USP36: variants seen among roughly 807,000 people sequenced by gnomAD.
The protein encoded by USP36 is ubiquitin carboxyl-terminal hydrolase 36.
In USP36, 59 loss-of-function variants were observed where a neutral mutation model predicts 111.5. That is an observed-to-expected ratio of 0.53 (90% CI 0.43 to 0.66). USP36 has a LOEUF of 0.66. USP36 is among the 30% of genes least tolerant of loss of function. The probability of loss-of-function intolerance (pLI) is 0.00; values close to 1 mark genes in which losing one functional copy is unlikely to be tolerated. For synonymous variants in USP36, 628 were observed against 581.0 expected (o/e 1.08, Z -1.16); for missense variants, 1,488 against 1,468.0 (o/e 1.01, Z -0.22).
chr17:78,841,051 C>T (rs11652626), upstream of USP36: 1 of 152,278 alleles, frequency 6.6e-6, no homozygotes, highest in African/African-American at 2.4e-5. Context: ...GCTCCCGCCC[C>T]TGTGCCGCGG....
intron 2 of USP36, among the ~76,000 whole-genome samples, chr17:78,836,663 C>T (rs774736919): frequency 6.6e-6 from 1 of 152,176 alleles, no homozygotes; most frequent in African/African-American, 2.4e-5. Context: ...TGCATCTCTT[C>T]ATCAGATACT....
downstream of USP36, among the ~76,000 whole-genome samples, chr17:78,794,998 ACT>A (rs1453248251): frequency 2.1e-5 from 3 of 142,976 alleles, no homozygotes; most frequent in Admixed American, 2.2e-4. Context: ...ACAGAGGGAG[ACT>A]CTGTTCGGGA....
At position 78,809,565 on chromosome 17, in the gene USP36, T is replaced by C. The variant is rs529688177; in HGVS notation, c.1408-1929A>G. The stretch of plus-strand genomic sequence containing the variant: ...GTGTGCCTGACACAGGGACTCTCCT[T>C]GAGCCAATCTCCACCCTCGGGCATC... On this transcript the variant is annotated intron_variant, in intron 13 of 20. Transcript: ENST00000449938. Among the ~76,000 whole-genome samples the C allele has an allele frequency of 4.6e-5, 7 of 152,258 alleles. No individual in the cohort carries two copies. The East Asian group carries it at 1.2e-3, about 25-fold the overall frequency.
chr17:78,816,784 T>G (rs1421289530), intron 10 of USP36, among the ~76,000 whole-genome samples: 1 of 152,144 alleles, frequency 6.6e-6, no homozygotes, highest in East Asian at 1.9e-4. Flanking sequence ...GCCTAAATCA[T>G]TTTTTTAAAC....
Position 78,813,749 on chromosome 17 carries a change from C to A in USP36, c.1265+24G>T, listed in dbSNP as rs374966269. On this transcript the variant is annotated intron_variant, in intron 12 of 20. Coordinates refer to ENST00000449938, the MANE Select transcript of USP36 (RefSeq NM_001385174.1). ...AAAAGAGCAGAGGGAGTGAGCTCAT[C>A]TGGGGAGGGCGTGAGTTTATTACCG... 25 of 1,608,712 alleles carry A rather than the reference C, an allele frequency of 1.6e-5. 1 individual carries two copies. The highest frequency in any genetic ancestry group is 6.7e-5 in the East Asian group (3 of 44,822).
chr17:78,832,034 A>G lies in USP36; in HGVS notation c.476-3027T>C, dbSNP rs570087931. 2.6e-5 allele frequency among the ~76,000 whole-genome samples: 4 copies of G among 152,266 alleles called. No individual in the cohort carries two copies. The South Asian group carries it at 8.3e-4, about 32-fold the overall frequency. ...AATCTAAGCCAGGTTCTCCAGCAAT[A>G]TATGAGATTAATTTAAGTGGCACAT... On this transcript the variant is annotated intron_variant, in intron 4 of 20. Coordinates refer to ENST00000449938, the MANE Select transcript of USP36 (RefSeq NM_001385174.1).
chr17:78,821,235 G>A (rs1472058217), intron 7 of USP36, 174 bp from the exon 8 acceptor site: 1 of 599,582 alleles, frequency 1.7e-6, no homozygotes, highest in South Asian at 2.0e-5. Flanking sequence ...TTTCACCACT[G>A]AAGTTCACAA....
At chr17:78,824,190 G>A (rs1207113080) in intron 6 of USP36, among the ~76,000 whole-genome samples, 1 of 152,218 alleles carries the variant, frequency 6.6e-6, no homozygotes, top group African/African-American at 2.4e-5. Context: ...TGGGCAATGA[G>A]CAATGGGAAG....
chr17:78,802,140 G>T (rs1223192174), intron 17 of USP36, among the ~76,000 whole-genome samples, 184 bp downstream of exon 17: 1 of 21,332 alleles, frequency 4.7e-5, no homozygotes, highest in Admixed American at 6.7e-4. Flanking sequence ...CCAACCCCTC[G>T]CCTGGTGCAC....
At chr17:78,839,961 T>C (rs1457528542) in intron 1 of USP36, among the ~76,000 whole-genome samples, 1 of 152,192 alleles carries the variant, frequency 6.6e-6, no homozygotes, top group Non-Finnish European at 1.5e-5. Flanking sequence ...AAAGTCACTT[T>C]TCCAGGATGA....
chr17:78,815,000 C>T (rs1335139874), intron 10 of USP36, among the ~76,000 whole-genome samples: 1 of 151,918 alleles, frequency 6.6e-6, no homozygotes, highest in African/African-American at 2.4e-5. Context: ...AATGGGTGTG[C>T]AGCAACGCTG....
At chr17:78,831,394 C>T (rs552510511) in intron 4 of USP36, among the ~76,000 whole-genome samples, 86 of 151,906 alleles carry the variant, frequency 5.7e-4, no homozygotes, top group African/African-American at 2.0e-3. Flanking sequence ...GGGTGGAACA[C>T]GTGAGGTCAA....
chr17:78,820,679 C>G (rs900278567), intron 8 of USP36, among the ~76,000 whole-genome samples: 7 of 152,316 alleles, frequency 4.6e-5, no homozygotes, highest in African/African-American at 1.7e-4. Flanking sequence ...AGCCACCAAG[C>G]TCCAAAGGCT....
At chr17:78,808,288 GCTGGAGTGCAGTGGCATGA>G (rs2093964765) in intron 13 of USP36, among the ~76,000 whole-genome samples, 1 of 152,150 alleles carries the variant, frequency 6.6e-6, no homozygotes, top group Non-Finnish European at 1.5e-5. Context: ...TGTTGCCCAG[GCTGGAGTGCAGTGGCATGA>G]TGATGTCATC....
intron 18 of USP36, among the ~76,000 whole-genome samples, chr17:78,799,226 C>T (rs186965868): frequency 6.6e-6 from 1 of 152,378 alleles, no homozygotes; most frequent in East Asian, 1.9e-4. Context: ...GCGATGCCCT[C>T]TTAGCTAAAC....
chr17:78,791,675 G>C (rs1004421254), downstream of USP36, among the ~76,000 whole-genome samples: 2 of 152,184 alleles, frequency 1.3e-5, no homozygotes, highest in Non-Finnish European at 2.9e-5. Flanking sequence ...AGGCCTCTAG[G>C]GGGCTGTGGA....
At position 78,829,022 on chromosome 17, in the gene USP36, G is replaced by A. The variant is rs767681276; in HGVS notation, c.476-15C>T. On this transcript the variant is annotated splice_polypyrimidine_tract_variant and intron_variant, in intron 4 of 20. Transcript: ENST00000449938. The stretch of plus-strand genomic sequence containing the variant: ...TCCCTGGTGGCCTGCCGGCGTGGAA[G>A]GAGGAGCAATTTTAAGACAAGAGCT... 1 of 1,609,316 alleles carries A rather than the reference G, an allele frequency of 6.2e-7. No individual in the cohort carries two copies. The highest frequency in any genetic ancestry group is 1.1e-5 in the South Asian group (1 of 90,692).
At chr17:78,832,872 G>A (rs2068276261) in intron 4 of USP36, among the ~76,000 whole-genome samples, 1 of 152,190 alleles carries the variant, frequency 6.6e-6, no homozygotes, top group African/African-American at 2.4e-5. Context: ...GCTTCTGCAG[G>A]GCACGGTGGC....
At chr17:78,801,127 C>A (rs2144967167) in intron 17 of USP36, among the ~76,000 whole-genome samples, 1 of 152,226 alleles carries the variant, frequency 6.6e-6, no homozygotes, top group East Asian at 1.9e-4. Context: ...GAGGCGCCCG[C>A]CACCATGCCT....
Sources: allele counts gnomAD v4.1 joint callset (sites outside exome capture counted in the v4.1 genomes callset), GRCh38; gene constraint gnomAD v4.1.1; transcripts MANE v1.5; gene names NCBI Gene and HGNC (gene_info 2026-07-23, HGNC 2026-07-21).